ADGRE3: variants seen among roughly 807,000 people sequenced by gnomAD.
ADGRE3 encodes the protein adhesion G protein-coupled receptor E3.
Under a neutral mutation model 80.1 loss-of-function variants are expected in ADGRE3, and 88 were observed. The observed-to-expected ratio is 1.10, with a 90% confidence interval of 0.93 to 1.31. The LOEUF (loss-of-function observed/expected upper bound fraction) is 1.31. Ranked by LOEUF, ADGRE3 falls within the 40% of genes most tolerant of loss-of-function variation. The probability of loss-of-function intolerance (pLI) is 0.00; values close to 1 mark genes in which losing one functional copy is unlikely to be tolerated. For missense variants in ADGRE3, 715 were observed against 776.5 expected (o/e 0.92, Z 0.94); for synonymous variants, 281 against 294.8 (o/e 0.95, Z 0.48).
intron 15 of ADGRE3, among the ~76,000 whole-genome samples, chr19:14,620,476 A>AATATATAT (rs1970528985): frequency 1.2e-4 from 3 of 25,716 alleles, no homozygotes; most frequent in East Asian, 5.0e-3. Flanking sequence ...ATATATTATG[A>AATATATAT]GTACATATGA....
the ADGRE3 span, chr19:14,610,280 C>T: frequency 2.6e-6 from 4 of 1,513,866 alleles, no homozygotes; most frequent in Admixed American, 4.0e-5. Flanking sequence ...GGCCTTGCCT[C>T]TTCGTGAGTG....
intron 15 of ADGRE3, among the ~76,000 whole-genome samples, chr19:14,620,411 T>A (rs550165325): frequency 8.6e-6 from 1 of 116,566 alleles, no homozygotes; most frequent in African/African-American, 3.4e-5. Context: ...AATATATATG[T>A]ATATTCATGT....
At chr19:14,648,673 T>C (rs1223314819) in intron 7 of ADGRE3, among the ~76,000 whole-genome samples, 1 of 152,176 alleles carries the variant, frequency 6.6e-6, no homozygotes, top group Non-Finnish European at 1.5e-5. Flanking sequence ...GTAGACTGAG[T>C]AAAACAGATT....
chr19:14,664,974 C>T (rs1478428582), intron 2 of ADGRE3, among the ~76,000 whole-genome samples: 1 of 151,420 alleles, frequency 6.6e-6, no homozygotes, highest in South Asian at 2.1e-4. Flanking sequence ...GAACATATTA[C>T]ACATACTGCT....
At chr19:14,668,093 A>C (rs1411897003) in intron 2 of ADGRE3, among the ~76,000 whole-genome samples, 1 of 152,120 alleles carries the variant, frequency 6.6e-6, no homozygotes, top group Non-Finnish European at 1.5e-5. Context: ...GTCTCTACAA[A>C]AAATGCAAAA....
chr19:14,621,109 T>A (rs1443645377), intron 15 of ADGRE3, among the ~76,000 whole-genome samples: 1 of 152,080 alleles, frequency 6.6e-6, no homozygotes, highest in Non-Finnish European at 1.5e-5. Context: ...AATCTTTGCC[T>A]CCCAGGTTCA....
chr19:14,608,037 A>AT, the ADGRE3 span, among the ~76,000 whole-genome samples: 4 of 151,008 alleles, frequency 2.6e-5, no homozygotes, highest in Non-Finnish European at 5.9e-5. Flanking sequence ...TGCCTGGCTA[A>AT]TTTTTTGTAT....
At chr19:14,630,283 A>T (rs1970846109) in intron 13 of ADGRE3, 76 bp from the exon 14 acceptor site, 1 of 1,254,246 alleles carries the variant, frequency 8.0e-7, no homozygotes, top group Admixed American at 2.6e-5. Context: ...TTAGCTGTTA[A>T]TAGTAAGAAC....
At chr19:14,614,839 C>T (rs571860663), downstream of ADGRE3, among the ~76,000 whole-genome samples, 28 of 151,216 alleles carry the variant, frequency 1.9e-4, no homozygotes, top group East Asian at 5.8e-4. Flanking sequence ...AGCCTCCCAA[C>T]GTGCTGCGTG....
the ADGRE3 span, among the ~76,000 whole-genome samples, chr19:14,613,146 G>A: frequency 1.7e-4 from 26 of 151,562 alleles, no homozygotes; most frequent in Admixed American, 2.0e-4. Flanking sequence ...GGCTGGTCTC[G>A]AACTCCTGAC....
intron 7 of ADGRE3, among the ~76,000 whole-genome samples, chr19:14,649,096 T>TTCTCCCCATC (rs1163867793): frequency 7.5e-6 from 1 of 133,482 alleles, no homozygotes; most frequent in Non-Finnish European, 1.6e-5. Context: ...CTTTCCATCT[T>TTCTCCCCATC]TCTCCCCATC....
intron 1 of ADGRE3, among the ~76,000 whole-genome samples, chr19:14,671,914 TA>T (rs777653294): frequency 2.6e-5 from 4 of 152,046 alleles, no homozygotes; most frequent in African/African-American, 7.2e-5. Context: ...TGTGGCCAAT[TA>T]AAAAAAATTT....
the ADGRE3 span, among the ~76,000 whole-genome samples, chr19:14,602,458 A>G: frequency 4.0e-3 from 616 of 152,108 alleles, 18 homozygotes; most frequent in Admixed American, 0.035. Context: ...ATGCCTGGAT[A>G]ATTTTTAACA....
intron 1 of ADGRE3, among the ~76,000 whole-genome samples, chr19:14,674,266 G>A (rs1972331318): frequency 6.6e-6 from 1 of 152,080 alleles, no homozygotes; most frequent in African/African-American, 2.4e-5. Context: ...GCAGGCTGAG[G>A]CGGGTGGATC....
intron 9 of ADGRE3, among the ~76,000 whole-genome samples, chr19:14,643,247 G>A (rs1476114569): frequency 6.7e-6 from 1 of 149,882 alleles, no homozygotes; most frequent in Non-Finnish European, 1.5e-5. Context: ...CCAGGTTCAA[G>A]CAATTCTCCT....
At chr19:14,611,694 T>G in the ADGRE3 span, among the ~76,000 whole-genome samples, 1 of 152,062 alleles carries the variant, frequency 6.6e-6, no homozygotes, top group Non-Finnish European at 1.5e-5. Flanking sequence ...GGTTGTAACG[T>G]CTTTGATGAT....
chr19:14,616,648 C>A (rs1455468238), downstream of ADGRE3, among the ~76,000 whole-genome samples: 2 of 151,716 alleles, frequency 1.3e-5, no homozygotes, highest in Non-Finnish European at 2.9e-5. Context: ...TGAGAAACAA[C>A]CAGTGGACTT....
At chr19:14,635,772 A>T (rs1971020387) in intron 11 of ADGRE3, among the ~76,000 whole-genome samples, 1 of 152,052 alleles carries the variant, frequency 6.6e-6, no homozygotes, top group Non-Finnish European at 1.5e-5. Context: ...TATATGTTAT[A>T]TATATGTTTA....
At chr19:14,635,473 G>A (rs528404943) in intron 11 of ADGRE3, among the ~76,000 whole-genome samples, 161 of 149,558 alleles carry the variant, frequency 1.1e-3, no homozygotes, top group African/African-American at 3.6e-3. Context: ...GTGCAATGGC[G>A]TGATCTCAGC....
Sources: allele counts gnomAD v4.1 joint callset (sites outside exome capture counted in the v4.1 genomes callset), GRCh38; gene constraint gnomAD v4.1.1; transcripts MANE v1.5; gene names NCBI Gene and HGNC (gene_info 2026-07-23, HGNC 2026-07-21).